Variants in ZNF227 observed in about 807,000 individuals in gnomAD.
The protein encoded by ZNF227 is zinc finger protein 227.
Under a neutral mutation model 13.2 loss-of-function variants are expected in ZNF227, and 12 were observed. That is an observed-to-expected ratio of 0.91 (90% CI 0.58 to 1.47). The LOEUF (loss-of-function observed/expected upper bound fraction) is 1.47. Ranked by LOEUF, ZNF227 falls within the 40% of genes most tolerant of loss-of-function variation. ZNF227 has a pLI of 0.00. For missense variants in ZNF227, 885 were observed against 967.5 expected (o/e 0.91, Z 1.13); for synonymous variants, 338 against 326.0 (o/e 1.04, Z -0.40).
intron 5 of ZNF227, among the ~76,000 whole-genome samples, chr19:44,232,139 C>A (rs1973903264): frequency 6.6e-6 from 1 of 152,156 alleles, no homozygotes; most frequent in African/African-American, 2.4e-5. Flanking sequence ...TGAGGTGAGT[C>A]CTGATTAGGC....
At chr19:44,221,649 A>G (rs1352727568) in intron 3 of ZNF227, among the ~76,000 whole-genome samples, 1 of 152,090 alleles carries the variant, frequency 6.6e-6, no homozygotes, top group Non-Finnish European at 1.5e-5. Context: ...TTCATTGTAG[A>G]TTCTGGATAT....
At chr19:44,233,039 T>C (rs920741664) in intron 5 of ZNF227, among the ~76,000 whole-genome samples, 2 of 152,148 alleles carry the variant, frequency 1.3e-5, no homozygotes, top group East Asian at 1.9e-4. Flanking sequence ...GGACATCTCT[T>C]GGGGGTGGGG....
chr19:44,231,114 ATTTTT>A, intron 5 of ZNF227, among the ~76,000 whole-genome samples: 1 of 141,986 alleles, frequency 7.0e-6, no homozygotes, highest in South Asian at 2.2e-4. Flanking sequence ...GATGATGTGA[ATTTTT>A]TTTTTTTTTG....
intron 3 of ZNF227, among the ~76,000 whole-genome samples, chr19:44,225,459 T>C: frequency 6.6e-6 from 1 of 152,188 alleles, no homozygotes; most frequent in Non-Finnish European, 1.5e-5. Context: ...GGAGGCTTTG[T>C]TCGTTTCTTT....
chr19:44,222,236 G>A (rs1212580137), intron 3 of ZNF227, among the ~76,000 whole-genome samples: 1 of 152,118 alleles, frequency 6.6e-6, no homozygotes, highest in Non-Finnish European at 1.5e-5. Flanking sequence ...GGATTGACTT[G>A]GCGATGTGGG....
intron 3 of ZNF227, among the ~76,000 whole-genome samples, chr19:44,222,860 T>G (rs1972695703): frequency 6.7e-6 from 1 of 148,778 alleles, no homozygotes; most frequent in African/African-American, 2.4e-5. Context: ...AAGGGAATGC[T>G]TCCAGTTTTT....
In ZNF227 at chr19:44,235,314, A is replaced by G. The variant is rs1568616714; in HGVS notation, c.884A>G (p.Lys295Arg). 2 of 1,614,196 alleles carry G rather than the reference A, an allele frequency of 1.2e-6. No individual in the cohort carries two copies. Among genetic ancestry groups the G allele is most frequent in the Non-Finnish European group, 8.5e-7 (1 of 1,180,038 alleles). The change falls in exon 6 of 6, where the codon AAA (lysine) becomes AGA (arginine). Residue 295 changes from lysine to arginine, a missense_variant. Physicochemically the swap from Lys to Arg is conservative, Grantham distance 26 (BLOSUM62 2). Transcript: ENST00000313040. Reference sequence around the variant, plus strand: ...CATCAGAGAATTCACCCAGGAGAGAAACTCAATAGATGTCATGAATCTGGT... The same window carrying G: ...CATCAGAGAATTCACCCAGGAGAGAGACTCAATAGATGTCATGAATCTGGT... ...RTHQRIHPGEKLNRCHESGDC... is the reference protein window; with the variant it reads ...RTHQRIHPGERLNRCHESGDC...
At chr19:44,234,563 C>T (rs770406073) in intron 5 of ZNF227, 139 bp from the exon 6 acceptor site, 11 of 751,372 alleles carry the variant, frequency 1.5e-5, no homozygotes, top group Non-Finnish European at 2.1e-5. Context: ...AAAGAATACA[C>T]GATGCTGTAA....
chr19:44,229,901 T>C, intron 5 of ZNF227, 85 bp downstream of exon 5: 2 of 915,708 alleles, frequency 2.2e-6, no homozygotes, highest in Non-Finnish European at 3.1e-6. Flanking sequence ...CTCCCTGGTC[T>C]GAGTGTTAAA....
chr19:44,227,844 AGGTG>A (rs1484395159), intron 3 of ZNF227, among the ~76,000 whole-genome samples: 1 of 152,218 alleles, frequency 6.6e-6, no homozygotes, highest in Admixed American at 6.5e-5. Context: ...ATCCTGTAGT[AGGTG>A]GATGTGACAT....
intron 3 of ZNF227, among the ~76,000 whole-genome samples, chr19:44,223,077 C>A (rs921736070): frequency 3.9e-5 from 6 of 152,208 alleles, no homozygotes; most frequent in Non-Finnish European, 8.8e-5. Flanking sequence ...TATTGATTTG[C>A]GTATGTTGAA....
chr19:44,216,517 A>G (rs760466384), intron 2 of ZNF227, among the ~76,000 whole-genome samples: 1 of 152,170 alleles, frequency 6.6e-6, no homozygotes, highest in Non-Finnish European at 1.5e-5. Flanking sequence ...TAGAATTTCT[A>G]TATGCGAACT....
At chr19:44,221,769 A>G (rs1032742259) in intron 3 of ZNF227, among the ~76,000 whole-genome samples, 31 of 152,176 alleles carry the variant, frequency 2.0e-4, no homozygotes, top group African/African-American at 7.5e-4. Flanking sequence ...TAGTTTAATT[A>G]GATCCCATTT....
At chr19:44,217,527 A>AT in intron 2 of ZNF227, 1 of 653,700 alleles carries the variant, frequency 1.5e-6, no homozygotes, top group East Asian at 3.0e-5. Flanking sequence ...GAGCCCTCAT[A>AT]TGTTGTTACA....
In ZNF227 at chr19:44,229,740, T is replaced by C; in HGVS notation, c.195T>C (p.Leu65=). ...AAATCTACATTTTCATAGGGCATCT[T>C]CCCTTCCAACCAGATATGGTATCCC... ...NFKNLVAVGH[L]PFQPDMVSQL... is the part of the protein sequence containing the mutation. The change falls in exon 5 of 6, where the codon CTT becomes CTC. Residue 65 remains leucine, a synonymous_variant. Coordinates refer to ENST00000313040, the MANE Select transcript of ZNF227 (RefSeq NM_182490.3). The C allele has an allele frequency of 6.4e-7, 1 of 1,574,480 alleles. No homozygotes were observed. The highest frequency in any genetic ancestry group is 8.6e-7 in the Non-Finnish European group (1 of 1,156,138).
intron 3 of ZNF227, among the ~76,000 whole-genome samples, chr19:44,220,978 A>G (rs1972438978): frequency 6.6e-6 from 1 of 152,076 alleles, no homozygotes; most frequent in Admixed American, 6.5e-5. Context: ...CCTACAAAGG[A>G]CATGAACTCA....
At chr19:44,211,844 A>G (rs1307102983), upstream of ZNF227, among the ~76,000 whole-genome samples, 1 of 127,346 alleles carries the variant, frequency 7.9e-6, no homozygotes, top group Non-Finnish European at 1.6e-5. Context: ...AGTGGTGGGT[A>G]TAATTCTATT....
At chr19:44,209,728 A>G (rs1971295209), upstream of ZNF227, among the ~76,000 whole-genome samples, 1 of 152,098 alleles carries the variant, frequency 6.6e-6, no homozygotes, top group African/African-American at 2.4e-5. Context: ...CTGGGACTAC[A>G]GGCGCCCATC....
chr19:44,213,416 T>C (rs1182575579), intron 2 of ZNF227, 172 bp downstream of exon 2: 2 of 152,228 alleles, frequency 1.3e-5, no homozygotes, highest in African/African-American at 4.8e-5. Flanking sequence ...TCTTACCACT[T>C]TGATTTTAAG....
Sources: allele counts gnomAD v4.1 joint callset (sites outside exome capture counted in the v4.1 genomes callset), GRCh38; gene constraint gnomAD v4.1.1; transcripts MANE v1.5; gene names NCBI Gene and HGNC (gene_info 2026-07-23, HGNC 2026-07-21).